The following ARID3C variants were observed in gnomAD, a reference collection of about 807,000 sequenced individuals.
The protein encoded by ARID3C is AT-rich interactive domain-containing protein 3C.
In ARID3C, 42 loss-of-function variants were observed where a neutral mutation model predicts 37.9. The observed-to-expected ratio is 1.11, with a 90% confidence interval of 0.87 to 1.43. ARID3C has a LOEUF of 1.43. Among genes scored for constraint, ARID3C ranks in the 40% most tolerant of loss-of-function variants. ARID3C has a pLI of 0.00. For missense variants in ARID3C, 581 were observed against 548.8 expected (o/e 1.06, Z -0.59); for synonymous variants, 213 against 228.0 (o/e 0.93, Z 0.59).
chr9:34,621,671 C>T (rs1009961671), intron 6 of ARID3C, 113 bp from the exon 8 acceptor site: 25 of 775,088 alleles, frequency 3.2e-5, no homozygotes, highest in Middle Eastern at 6.8e-4. Context: ...ACACTACACA[C>T]GTACCCCTGC....
At chr9:34,621,469 T>C (rs748492999) in exon 7 of ARID3C, 1 of 1,527,350 alleles carries the variant, frequency 6.5e-7, no homozygotes, top group African/African-American at 1.5e-5. Flanking sequence ...CAGGGCAAGA[T>C]GCTGGAAGGG....
In ARID3C at chr9:34,626,567, C is replaced by T. The variant is rs55881617; in HGVS notation, c.319-753G>A. On this transcript the variant is annotated intron_variant, in intron 1 of 6. Transcript: ENST00000378909. ...AGAGAACCACCCCTTGAGTCACTGA[C>T]CCAGAGTAACAGTCCTTGAGTAACA... is the stretch of plus-strand genomic sequence containing the variant. 6.0e-3 allele frequency among the ~76,000 whole-genome samples: 912 copies of T among 152,248 alleles called. 10 individuals are homozygous for T. Among genetic ancestry groups the T allele is most frequent in the Non-Finnish European group, 7.2e-3 (487 of 68,014 alleles).
At chr9:34,627,785 C>A (rs1053346797) in exon 1 of ARID3C, 6 of 1,614,060 alleles carry the variant, frequency 3.7e-6, no homozygotes, top group African/African-American at 1.3e-5. Context: ...GGCCCCTGGA[C>A]GGCTCTCCTC....
exon 1 of ARID3C, chr9:34,627,797 G>C: frequency 6.2e-7 from 1 of 1,614,042 alleles, no homozygotes; most frequent in Non-Finnish European, 8.5e-7. Context: ...GCTCTCCTCA[G>C]CTGCCTCCTC....
chr9:34,621,408 C>A (rs773185324), exon 7 of ARID3C: 1 of 1,274,488 alleles, frequency 7.8e-7, no homozygotes, highest in South Asian at 1.6e-5. Flanking sequence ...CAGGGGGTCT[C>A]CTCCCCCCTC....
intron 2 of ARID3C, among the ~76,000 whole-genome samples, chr9:34,625,239 C>T (rs1820639040): frequency 1.3e-5 from 2 of 152,270 alleles, no homozygotes; most frequent in African/African-American, 4.8e-5. Context: ...CTGGACCCTT[C>T]TTGCGTTCTC....
downstream of ARID3C, chr9:34,621,345 G>A (rs1422955758): frequency 1.4e-6 from 1 of 702,942 alleles, no homozygotes; most frequent in Admixed American, 3.9e-5. Context: ...CATGGGAGGT[G>A]TCGTCCCCTC....
At chr9:34,621,436 T>A (rs766997234) in exon 7 of ARID3C, 2 of 1,466,238 alleles carry the variant, frequency 1.4e-6, no homozygotes, top group Non-Finnish European at 1.8e-6. Context: ...GGGCTGGGAC[T>A]CTTAGTTTCA....
chr9:34,631,272 C>A (rs186384779), upstream of ARID3C, among the ~76,000 whole-genome samples: 1 of 152,180 alleles, frequency 6.6e-6, no homozygotes, highest in African/African-American at 2.4e-5. Context: ...GGCAGTCACT[C>A]CCCCAGCTCC....
exon 4 of ARID3C, chr9:34,623,556 G>C: frequency 2.5e-6 from 4 of 1,600,988 alleles, no homozygotes; most frequent in Non-Finnish European, 3.4e-6. Context: ...TGGGTCCTGA[G>C]CGCCCCGAGG....
chr9:34,632,244 T>A (rs1186928928), upstream of ARID3C, among the ~76,000 whole-genome samples: 1 of 152,202 alleles, frequency 6.6e-6, no homozygotes, highest in Non-Finnish European at 1.5e-5. Context: ...GAGCTATGAC[T>A]ACGTGGATAC....
In ARID3C at chr9:34,625,786, C is replaced by T. The variant is rs144404120; in HGVS notation, c.347G>A (p.Arg116Lys). 16 of 1,613,920 alleles carry T rather than the reference C, an allele frequency of 9.9e-6. 1 individual carries two copies. The Admixed American group carries it at 1.8e-4, about 18-fold the overall frequency. The change falls in exon 2 of 7, where the codon AGG (arginine) becomes AAG (lysine). Residue 116 changes from arginine to lysine, a missense_variant. Physicochemically the swap from Arg to Lys is conservative, Grantham distance 26. Transcript: ENST00000378909. Reference sequence around the variant, plus strand: ...AAACAGGTCATCCAGAAATTCCTTCCTCTTGGGGTCTGCATCGAGCTCATA... The same window carrying T: ...AAACAGGTCATCCAGAAATTCCTTCTTCTTGGGGTCTGCATCGAGCTCATA...
chr9:34,628,415 T>G (rs1004729051), upstream of ARID3C, among the ~76,000 whole-genome samples: 3 of 150,074 alleles, frequency 2.0e-5, no homozygotes, highest in Non-Finnish European at 3.0e-5. The surrounding 1 kb of genome is among the most constrained non-coding windows in gnomAD (Gnocchi z 5.2). Flanking sequence ...TGGAACAGGG[T>G]GACAAGGAGA....
upstream of ARID3C, among the ~76,000 whole-genome samples, chr9:34,629,114 G>A (rs1820699393): frequency 6.6e-6 from 1 of 152,126 alleles, no homozygotes; most frequent in Non-Finnish European, 1.5e-5. Flanking sequence ...AGGGCGGGCG[G>A]GGCGCATGGG....
At chr9:34,621,066 T>A (rs1820549158), downstream of ARID3C, among the ~76,000 whole-genome samples, 1 of 152,162 alleles carries the variant, frequency 6.6e-6, no homozygotes, top group Non-Finnish European at 1.5e-5. Flanking sequence ...GGACCGCAGC[T>A]TTATTGTCTA....
exon 4 of ARID3C, chr9:34,623,575 C>T (rs1189073426): frequency 6.2e-7 from 1 of 1,607,930 alleles, no homozygotes. Context: ...GGGGGCGGCC[C>T]TGCCAAGCCG....
exon 1 of ARID3C, chr9:34,627,936 G>A: frequency 6.4e-7 from 1 of 1,552,920 alleles, no homozygotes; most frequent in Non-Finnish European, 8.7e-7. Flanking sequence ...GGCTGCGGTG[G>A]CAGCAGCGGG....
chr9:34,622,354 G>C, exon 5 of ARID3C: 1 of 1,608,020 alleles, frequency 6.2e-7, no homozygotes, highest in Non-Finnish European at 8.5e-7. Flanking sequence ...CACCCCTCAG[G>C]GGAACCTTGC....
chr9:34,623,314 C>T, intron 4 of ARID3C, 111 bp downstream of exon 5: 1 of 1,314,164 alleles, frequency 7.6e-7, no homozygotes, highest in Non-Finnish European at 1.0e-6. Flanking sequence ...TTACTGCTCC[C>T]ATACCTCAAT....
Sources: gnomAD v4.1 joint callset for allele counts (sites outside exome capture counted in the v4.1 genomes callset) on GRCh38, gnomAD v4.1.1 for gene constraint, Gnocchi (gnomAD v3.1) non-coding constraint, MANE v1.5 for transcripts, NCBI Gene and HGNC (gene_info 2026-07-23, HGNC 2026-07-21) for gene names.